The following RCOR1 variants were observed in gnomAD, a reference collection of about 807,000 sequenced individuals.
The protein encoded by RCOR1 is REST corepressor 1.
In RCOR1, 12 loss-of-function variants were observed where a neutral mutation model predicts 64.0. The ratio of observed to expected loss-of-function variants is 0.19; its 90% confidence interval spans 0.12 to 0.30. The LOEUF is 0.30. Among genes scored for constraint, RCOR1 ranks in the 10% least tolerant of loss-of-function variants. The pLI, the probability that RCOR1 is intolerant of heterozygous loss-of-function variation, is 1.00. For missense variants in RCOR1, 502 were observed against 621.2 expected, an observed-to-expected ratio of 0.81 and a Z score of 2.04; for synonymous variants, 279 against 227.2, an observed-to-expected ratio of 1.23 and a Z score of -2.05.
chr14:102,723,973 T>C (rs1301887805), intron 11 of RCOR1, among the ~76,000 whole-genome samples: 1 of 152,220 alleles, frequency 6.6e-6, no homozygotes, highest in East Asian at 1.9e-4. Flanking sequence ...CATATGTTTT[T>C]TTCTTCATTC....
intron 2 of RCOR1, among the ~76,000 whole-genome samples, chr14:102,636,768 G>A (rs140001093): frequency 0.012 from 1,872 of 150,682 alleles, 40 homozygotes; most frequent in African/African-American, 0.043. Context: ...TCAGGAGTTC[G>A]AGACCAGCCT....
In RCOR1 at chr14:102,592,734, C is replaced by T. The variant is rs566581220; in HGVS notation, c.-153C>T. The T allele has an allele frequency of 3.3e-6, 4 of 1,222,966 alleles. No homozygotes were observed. In the African/African-American group the frequency reaches 4.7e-5, roughly 14 times the overall value. The allele number at this position is 1,222,966 out of a possible 1,614,324, so 75.8% of individuals were successfully genotyped here. On this transcript the variant is annotated 5_prime_UTR_variant, in exon 1 of 12. Coordinates refer to ENST00000262241, the MANE Select transcript of RCOR1 (RefSeq NM_015156.4). ...GCTTGAAGCGGCTCCGCGCTCTGCC[C>T]GTTTGGGCCTCCCCCGACTCGGACT...
chr14:102,680,474 G>A (rs1018539736), intron 2 of RCOR1, among the ~76,000 whole-genome samples: 4 of 152,102 alleles, frequency 2.6e-5, no homozygotes, highest in African/African-American at 4.8e-5. Context: ...TGTAGCGTTA[G>A]CATTGTTCTG....
chr14:102,659,970 A>G (rs1026976413), intron 2 of RCOR1, among the ~76,000 whole-genome samples: 2 of 152,210 alleles, frequency 1.3e-5, no homozygotes, highest in Non-Finnish European at 2.9e-5. Flanking sequence ...AATAAGATAA[A>G]TAATCTGGTG....
chr14:102,682,038 C>A, intron 3 of RCOR1, 60 bp downstream of exon 3: 2 of 1,136,072 alleles, frequency 1.8e-6, no homozygotes, highest in Non-Finnish European at 2.6e-6. Flanking sequence ...TTTAAAGGTA[C>A]CTTTGAAGGT....
At chr14:102,669,731 G>A (rs1361491003) in intron 2 of RCOR1, among the ~76,000 whole-genome samples, 3 of 152,150 alleles carry the variant, frequency 2.0e-5, no homozygotes, top group African/African-American at 7.2e-5. Context: ...ACAGTGCCTA[G>A]CACATAGTAA....
At chr14:102,673,364 T>G (rs540156976) in intron 2 of RCOR1, among the ~76,000 whole-genome samples, 57 of 148,802 alleles carry the variant, frequency 3.8e-4, no homozygotes, top group African/African-American at 1.3e-3. Flanking sequence ...TAAGACAGAG[T>G]CTCCCTCTGT....
chr14:102,693,366 A>G (rs756799011), intron 3 of RCOR1, among the ~76,000 whole-genome samples: 36 of 151,416 alleles, frequency 2.4e-4, no homozygotes, highest in Non-Finnish European at 4.4e-4. Flanking sequence ...GGCCTGAAAG[A>G]TTTGTTAAAT....
At chr14:102,726,383 C>T (rs1413828049) in intron 11 of RCOR1, 85 bp from the exon 12 acceptor site, 3 of 1,241,250 alleles carry the variant, frequency 2.4e-6, no homozygotes, top group Non-Finnish European at 3.4e-6. Context: ...TGGCTACCTT[C>T]TCTTTTCAGT....
At chr14:102,664,613 C>G (rs1320391960) in intron 2 of RCOR1, among the ~76,000 whole-genome samples, 2 of 152,118 alleles carry the variant, frequency 1.3e-5, no homozygotes, top group African/African-American at 4.8e-5. Flanking sequence ...TGCTGCCCAG[C>G]CTTCTTGGTT....
rs200106740 is a variant in RCOR1, at chr14:102,708,807, A to AT, written c.779+232dup. 7.3e-3 allele frequency among the ~76,000 whole-genome samples: 1,105 copies of AT among 152,094 alleles called. 14 individuals are homozygous for AT. The highest frequency in any genetic ancestry group is 0.024 in the Middle Eastern group (7 of 294). On this transcript the variant is annotated intron_variant, in intron 6 of 11. Coordinates refer to ENST00000262241, the MANE Select transcript of RCOR1 (RefSeq NM_015156.4). ...ATTTTGAGTCAGTTAACTTTGACCC[A>AT]TTTTTTTTCCTTCCCATTTAGAAGG...
chr14:102,657,242 G>A (rs1409999528), intron 2 of RCOR1: 1 of 985,186 alleles, frequency 1.0e-6, no homozygotes, highest in Non-Finnish European at 1.2e-6. Flanking sequence ...CTTAGTGTCA[G>A]TGCATAGATT....
At chr14:102,713,102 C>T (rs192417997) in intron 7 of RCOR1, among the ~76,000 whole-genome samples, 6 of 150,272 alleles carry the variant, frequency 4.0e-5, no homozygotes, top group Admixed American at 1.3e-4. Context: ...TACAGGGGCC[C>T]GCAACCATGC....
intron 2 of RCOR1, among the ~76,000 whole-genome samples, chr14:102,642,250 G>A (rs903511985): frequency 4.0e-5 from 5 of 123,554 alleles, no homozygotes; most frequent in Admixed American, 1.6e-4. Context: ...CTTCTTTGAC[G>A]GTATTAACAA....
intron 2 of RCOR1, among the ~76,000 whole-genome samples, chr14:102,600,824 C>G (rs1020987926): frequency 6.6e-6 from 1 of 151,482 alleles, no homozygotes; most frequent in Admixed American, 6.6e-5. Flanking sequence ...CCCGTCTTGG[C>G]CTCCCAAAGT....
At chr14:102,705,263 A>G (rs1324445806) in intron 4 of RCOR1, among the ~76,000 whole-genome samples, 2 of 152,148 alleles carry the variant, frequency 1.3e-5, no homozygotes, top group South Asian at 2.1e-4. Flanking sequence ...TGGCTGTGAA[A>G]TGCCTCATGA....
At chr14:102,632,611 A>ATCCTTTCCTTTCCTTTCCTTTCCAT (rs1894138161) in intron 2 of RCOR1, among the ~76,000 whole-genome samples, 1 of 107,944 alleles carries the variant, frequency 9.3e-6, no homozygotes, top group South Asian at 3.2e-4. Flanking sequence ...ACTGCATGCT[A>ATCCTTTCCTTTCCTTTCCTTTCCAT]TCCTTTCCTT....
intron 3 of RCOR1, among the ~76,000 whole-genome samples, chr14:102,700,648 C>T (rs1337612720): frequency 6.6e-6 from 1 of 152,234 alleles, no homozygotes; most frequent in Non-Finnish European, 1.5e-5. Context: ...GGATTACAGG[C>T]ATGAGCCTTT....
chr14:102,649,669 C>G (rs1259572141), intron 2 of RCOR1: 6 of 372,716 alleles, frequency 1.6e-5, no homozygotes, highest in African/African-American at 1.3e-4. Context: ...AAGACCTCCA[C>G]TGAAGCAGTT....
Sources: gnomAD v4.1 joint callset for allele counts (sites outside exome capture counted in the v4.1 genomes callset) on GRCh38, gnomAD v4.1.1 for gene constraint, MANE v1.5 for transcripts, NCBI Gene and HGNC (gene_info 2026-07-23, HGNC 2026-07-21) for gene names.